The following PRKD1 variants were observed in gnomAD, a reference collection of about 807,000 sequenced individuals.
The protein encoded by PRKD1 is serine/threonine-protein kinase D1.
PRKD1 carries 63 observed loss-of-function variants against 95.9 expected under a neutral mutation model. The ratio of observed to expected loss-of-function variants is 0.66; its 90% CI spans 0.54 to 0.81. The LOEUF is 0.81. Ranked by LOEUF, PRKD1 falls within the 30% of genes least tolerant of loss-of-function variation. The pLI, the probability that PRKD1 is intolerant of heterozygous loss-of-function variation, is 0.00. For synonymous variants in PRKD1, 425 were observed against 423.1 expected, an observed-to-expected ratio of 1.00 and a Z score of -0.05; for missense variants, 1,048 against 1,165.3, an observed-to-expected ratio of 0.90 and a Z score of 1.47.
intron 1 of PRKD1, among the ~76,000 whole-genome samples, chr14:29,845,885 G>A (rs1046226780): frequency 6.6e-6 from 1 of 152,112 alleles, no homozygotes; most frequent in Non-Finnish European, 1.5e-5. Flanking sequence ...TGGAGGCCCA[G>A]TATGTTGCTT....
chr14:29,601,456 A>G (rs1211138990), intron 13 of PRKD1, among the ~76,000 whole-genome samples: 10 of 152,150 alleles, frequency 6.6e-5, no homozygotes, highest in Admixed American at 5.9e-4. Flanking sequence ...CATCTACCCA[A>G]TAGCCTTTAA....
chr14:29,875,311 T>TA (rs1465234471), intron 1 of PRKD1, among the ~76,000 whole-genome samples: 4 of 152,162 alleles, frequency 2.6e-5, no homozygotes, highest in Admixed American at 6.5e-5. Context: ...GAATAATATG[T>TA]AAAAAAATGC....
intron 1 of PRKD1, among the ~76,000 whole-genome samples, chr14:29,753,270 T>C (rs1193515596): frequency 6.6e-6 from 1 of 152,168 alleles, no homozygotes; most frequent in Non-Finnish European, 1.5e-5. Flanking sequence ...GTTTTTACTA[T>C]GTCATAATGA....
At chr14:29,727,994 A>C (rs1594464054) in intron 1 of PRKD1, among the ~76,000 whole-genome samples, 4 of 139,660 alleles carry the variant, frequency 2.9e-5, no homozygotes, top group Non-Finnish European at 3.1e-5. Context: ...GGAACATCAC[A>C]CTCTGGGGAC....
chr14:29,883,153 T>C (rs1426307015), intron 1 of PRKD1, among the ~76,000 whole-genome samples: 1 of 151,914 alleles, frequency 6.6e-6, no homozygotes, highest in East Asian at 1.9e-4. Flanking sequence ...TGGGGAAGGG[T>C]GCCATCCACT....
At chr14:29,803,557 T>A (rs1267416051) in intron 1 of PRKD1, among the ~76,000 whole-genome samples, 2 of 152,074 alleles carry the variant, frequency 1.3e-5, no homozygotes, top group African/African-American at 2.4e-5. Context: ...GTAAAAATAA[T>A]CCAAGCTGGA....
chr14:29,776,971 G>T (rs539306442), intron 1 of PRKD1, among the ~76,000 whole-genome samples: 1 of 152,344 alleles, frequency 6.6e-6, no homozygotes, highest in East Asian at 1.9e-4. Flanking sequence ...CAAGCCAGAA[G>T]AGAGTGGGGG....
At position 29,636,440 on chromosome 14, in the gene PRKD1, T is replaced by C. The variant is rs764441721; in HGVS notation, c.1040A>G (p.Asp347Gly). 7 of 1,614,174 alleles carry C rather than the reference T, an allele frequency of 4.3e-6. No individual in the cohort carries two copies. The highest frequency in any genetic ancestry group is 5.9e-6 in the Non-Finnish European group (7 of 1,180,040). The change falls in exon 7 of 18, where the codon GAC becomes GGC. Residue 347 changes from aspartate to glycine, a missense_variant. Physicochemically the swap from Asp to Gly is moderately conservative, Grantham distance 94 (BLOSUM62 -1). Transcript: ENST00000331968. ...CCCACTGTTCCTTTCACTATCATTG[T>C]CATCACTCCCTTCTTCCATGACCAC... ...SDVVMEEGSD[D>G]NDSERNSGLM...
At chr14:29,881,902 A>G (rs1298348010) in intron 1 of PRKD1, among the ~76,000 whole-genome samples, 1 of 152,178 alleles carries the variant, frequency 6.6e-6, no homozygotes, top group Non-Finnish European at 1.5e-5. Context: ...CAGAAATCCT[A>G]AACTCCCAAA....
At chr14:29,634,594 T>G in intron 7 of PRKD1, 53 bp from the exon 8 acceptor site, 2 of 1,601,270 alleles carry the variant, frequency 1.2e-6, no homozygotes, top group Non-Finnish European at 1.7e-6. Flanking sequence ...ACATTTTATG[T>G]ATTTTCATGC....
At chr14:29,924,780 A>G (rs902908676) in intron 1 of PRKD1, among the ~76,000 whole-genome samples, 9 of 152,134 alleles carry the variant, frequency 5.9e-5, no homozygotes, top group African/African-American at 2.2e-4. Flanking sequence ...CTGAAATAAA[A>G]GACAAAAGAA....
intron 1 of PRKD1, among the ~76,000 whole-genome samples, chr14:29,866,606 G>T (rs1191308674): frequency 1.3e-5 from 2 of 152,180 alleles, no homozygotes; most frequent in Non-Finnish European, 2.9e-5. Context: ...GCATGTTTAG[G>T]GGAGAGACAG....
chr14:29,755,482 G>A (rs1376250345), intron 1 of PRKD1, among the ~76,000 whole-genome samples: 2 of 152,000 alleles, frequency 1.3e-5, no homozygotes, highest in Non-Finnish European at 2.9e-5. Flanking sequence ...ACAAAGCCAA[G>A]AGACAAACCC....
intron 1 of PRKD1, among the ~76,000 whole-genome samples, chr14:29,734,545 T>C (rs1453425554): frequency 6.6e-6 from 1 of 152,188 alleles, no homozygotes; most frequent in Non-Finnish European, 1.5e-5. Flanking sequence ...GGATAGTTCA[T>C]TCCTAGTACT....
intron 2 of PRKD1, among the ~76,000 whole-genome samples, chr14:29,710,085 T>C (rs1258517283): frequency 1.3e-5 from 2 of 152,160 alleles, no homozygotes; most frequent in Non-Finnish European, 2.9e-5. Context: ...CTAGAATTCA[T>C]GTTATCAAAT....
intron 16 of PRKD1, among the ~76,000 whole-genome samples, chr14:29,592,431 C>A (rs559381782): frequency 6.6e-6 from 1 of 152,280 alleles, no homozygotes; most frequent in South Asian, 2.1e-4. Flanking sequence ...TACTCTGTTA[C>A]ATATTGCTTA....
chr14:29,743,912 C>T (rs1013370743), intron 1 of PRKD1, among the ~76,000 whole-genome samples: 5 of 152,170 alleles, frequency 3.3e-5, no homozygotes, highest in Non-Finnish European at 5.9e-5. Context: ...TTTGTCTTTC[C>T]TCCCACTTGA....
intron 1 of PRKD1, among the ~76,000 whole-genome samples, chr14:29,811,182 C>T (rs571569999): frequency 2.8e-4 from 42 of 152,258 alleles, no homozygotes; most frequent in African/African-American, 9.1e-4. Context: ...TCCTTTCTTC[C>T]GCAGCTTCCC....
chr14:29,904,826 G>A (rs1239616550), intron 1 of PRKD1, among the ~76,000 whole-genome samples: 1 of 152,156 alleles, frequency 6.6e-6, no homozygotes, highest in East Asian at 1.9e-4. Flanking sequence ...CCTGTTTAAA[G>A]AGGCAGTACA....
Sources: allele counts gnomAD v4.1 joint callset (sites outside exome capture counted in the v4.1 genomes callset), GRCh38; gene constraint gnomAD v4.1.1; transcripts MANE v1.5; gene names NCBI Gene and HGNC (gene_info 2026-07-23, HGNC 2026-07-21).